Variants in LPIN2 observed in about 807,000 individuals in gnomAD.
LPIN2 encodes the protein lipin 2, also known as phosphatidate phosphatase LPIN2.
In LPIN2, 55 loss-of-function variants were observed where a neutral mutation model predicts 111.4. That is an observed-to-expected ratio of 0.49 (90% CI 0.40 to 0.62). The LOEUF is 0.62. LPIN2 is among the 20% of genes least tolerant of loss of function. The pLI, the probability that LPIN2 is intolerant of heterozygous loss-of-function variation, is 0.00. For missense variants in LPIN2, 992 were observed against 1,112.1 expected (o/e 0.89, Z 1.54); for synonymous variants, 425 against 414.0 (o/e 1.03, Z -0.32).
Position 2,971,611 on chromosome 18 carries a change from AAATG to A in LPIN2, c.-9-10766_-9-10763del, listed in dbSNP as rs902588461. 7.2e-4 allele frequency among the ~76,000 whole-genome samples: 109 copies of A among 152,312 alleles called. 1 individual carries two copies. Among genetic ancestry groups the A allele is most frequent in the African/African-American group, 2.3e-3 (96 of 41,564 alleles). ...TGGATCAATGAATGGACCAATGAATAAATGAATGAATGAATGCAAGACCTAGTGA... is the reference window on the plus strand; with the variant it reads ...TGGATCAATGAATGGACCAATGAATAAATGAATGAATGCAAGACCTAGTGA... On this transcript the variant is annotated intron_variant, in intron 1 of 19. Transcript: ENST00000677752.
intron 19 of LPIN2, 67 bp downstream of exon 19, chr18:2,920,711 G>C: frequency 8.5e-7 from 1 of 1,180,036 alleles, no homozygotes; most frequent in Non-Finnish European, 1.3e-6. Context: ...AAAAGGACAG[G>C]GTCTGTCTGT....
At chr18:2,928,113 G>A (rs536614505) in intron 11 of LPIN2, among the ~76,000 whole-genome samples, 1 of 152,122 alleles carries the variant, frequency 6.6e-6, no homozygotes, top group African/African-American at 2.4e-5. Flanking sequence ...CATGAGTTAA[G>A]AGGACCAACT....
At chr18:3,011,059 G>A (rs756044182) in intron 1 of LPIN2, among the ~76,000 whole-genome samples, 5 of 152,120 alleles carry the variant, frequency 3.3e-5, no homozygotes, top group Non-Finnish European at 5.9e-5. Context: ...AGCCGGCTAT[G>A]TGCTTGGAAC....
chr18:2,970,411 C>G (rs1452478585), intron 1 of LPIN2, among the ~76,000 whole-genome samples: 1 of 152,220 alleles, frequency 6.6e-6, no homozygotes, highest in Non-Finnish European at 1.5e-5. Flanking sequence ...CAAGGCCACC[C>G]AAGACTGGGA....
chr18:2,958,798 C>T (rs2077662920), intron 2 of LPIN2, among the ~76,000 whole-genome samples: 1 of 152,078 alleles, frequency 6.6e-6, no homozygotes, highest in African/African-American at 2.4e-5. Context: ...AGGCACACAG[C>T]AAGCAGGAAA....
chr18:2,924,320 A>C, intron 15 of LPIN2, 78 bp downstream of exon 15: 1 of 1,580,036 alleles, frequency 6.3e-7, no homozygotes, highest in Non-Finnish European at 8.7e-7. Context: ...CCAGGTGAGG[A>C]ACTCCCCACC....
intron 1 of LPIN2, among the ~76,000 whole-genome samples, chr18:2,995,659 T>C (rs956511134): frequency 9.8e-5 from 15 of 152,344 alleles, no homozygotes; most frequent in African/African-American, 3.6e-4. Flanking sequence ...AGAACTCTTA[T>C]ACTCCAAAAG....
At chr18:2,984,207 A>C (rs1238008469) in intron 1 of LPIN2, among the ~76,000 whole-genome samples, 1 of 152,182 alleles carries the variant, frequency 6.6e-6, no homozygotes, top group Non-Finnish European at 1.5e-5. Flanking sequence ...AATTTCACCA[A>C]AATTAGAAAT....
rs769975012 is a variant in LPIN2, at chr18:2,932,639, G to A, written c.1269-1196C>T. 4.6e-5 allele frequency among the ~76,000 whole-genome samples: 7 copies of A among 152,160 alleles called. No homozygotes were observed. In the South Asian group the frequency reaches 1.0e-3, roughly 23 times the overall value. Reference sequence around the variant, plus strand: ...CACCACACCTGTCTCCTCTTTCTCCGGGGCACACGGCGAGGCCCCCTTGCA... The same window carrying A: ...CACCACACCTGTCTCCTCTTTCTCCAGGGCACACGGCGAGGCCCCCTTGCA... On this transcript the variant is annotated intron_variant, in intron 8 of 19. Coordinates refer to ENST00000677752, the MANE Select transcript of LPIN2 (RefSeq NM_001375808.2).
intron 1 of LPIN2, among the ~76,000 whole-genome samples, chr18:2,989,967 A>G (rs996351825): frequency 1.3e-5 from 2 of 152,136 alleles, no homozygotes; most frequent in African/African-American, 4.8e-5. Flanking sequence ...TAGTACTGGC[A>G]TAAAACAGAC....
Position 2,925,212 on chromosome 18 carries a change from T to C in LPIN2, c.1938+12A>G. The C allele has an allele frequency of 2.5e-6, 4 of 1,614,150 alleles. No individual in the cohort carries two copies. Among genetic ancestry groups the C allele is most frequent in the South Asian group, 2.2e-5 (2 of 91,088 alleles). On this transcript the variant is annotated intron_variant, in intron 14 of 19. Coordinates refer to ENST00000677752, the MANE Select transcript of LPIN2 (RefSeq NM_001375808.2). This position sits in a 1 kb window ranked among gnomAD's most constrained non-coding sequence, Gnocchi z 4.1. ...AAGTCCTACTGGACAACACAGATCA[T>C]GCAAGACTCACGATCTGGTCTGAGG...
At chr18:3,002,801 A>G (rs2078453472) in intron 1 of LPIN2, among the ~76,000 whole-genome samples, 1 of 152,258 alleles carries the variant, frequency 6.6e-6, no homozygotes, top group Non-Finnish European at 1.5e-5. Flanking sequence ...ACAGTTCCTC[A>G]GACTTTCCCA....
At position 2,919,298 on chromosome 18, in the gene LPIN2, C is replaced by T. The variant is rs1438044484; in HGVS notation, c.*995G>A. The stretch of plus-strand genomic sequence containing the variant: ...GATTACAGGGTGTGATCCCAAAAGC[C>T]AAAGTCACACACTGCTGGCCAGTGC... On this transcript the variant is annotated 3_prime_UTR_variant, in exon 20 of 20. Coordinates refer to ENST00000677752, the MANE Select transcript of LPIN2 (RefSeq NM_001375808.2). The T allele has an allele frequency of 6.6e-6, 1 of 152,174 alleles. No individual in the cohort carries two copies. Among genetic ancestry groups the T allele is most frequent in the East Asian group, 1.9e-4 (1 of 5,182 alleles). The allele number at this position is 152,174 out of a possible 1,614,324, so 9.4% of individuals were successfully genotyped here. A position where few individuals can be genotyped will look rare whatever the true frequency, so the allele number is the denominator to read the frequency against.
chr18:2,935,599 C>T (rs970966398), intron 7 of LPIN2, among the ~76,000 whole-genome samples: 5 of 152,042 alleles, frequency 3.3e-5, no homozygotes, highest in South Asian at 2.1e-4. Context: ...GGGAAACAGG[C>T]CAGCTAAAAA....
At chr18:2,939,878 T>C (rs1417250763) in intron 5 of LPIN2, among the ~76,000 whole-genome samples, 1 of 152,114 alleles carries the variant, frequency 6.6e-6, no homozygotes, top group Non-Finnish European at 1.5e-5. Context: ...AAGAAATCAA[T>C]GAGAAAGAAG....
chr18:2,978,399 T>C (rs1038180563), intron 1 of LPIN2, among the ~76,000 whole-genome samples: 1 of 152,184 alleles, frequency 6.6e-6, no homozygotes, highest in African/African-American at 2.4e-5. Flanking sequence ...TATGACTCAC[T>C]GAAAAGGACT....
At chr18:2,957,938 A>C (rs1469120992) in intron 2 of LPIN2, among the ~76,000 whole-genome samples, 1 of 151,658 alleles carries the variant, frequency 6.6e-6, no homozygotes, top group Non-Finnish European at 1.5e-5. Flanking sequence ...ATTACCTGAG[A>C]TCAGGTAATC....
At position 3,005,775 on chromosome 18, in the gene LPIN2, C is replaced by T. The variant is rs80108619; in HGVS notation, c.-10+7312G>A. 3.4e-3 allele frequency among the ~76,000 whole-genome samples: 516 copies of T among 152,208 alleles called. 4 individuals are homozygous for T. The highest frequency in any genetic ancestry group is 0.012 in the African/African-American group (492 of 41,518). On this transcript the variant is annotated intron_variant, in intron 1 of 19. Coordinates refer to ENST00000677752, the MANE Select transcript of LPIN2 (RefSeq NM_001375808.2). ...GTGTGGTGGCCCAACTCAGCAATCCCAGCACTTTGGGAGGTAGAAACGGGA... is the reference window on the plus strand; with the variant it reads ...GTGTGGTGGCCCAACTCAGCAATCCTAGCACTTTGGGAGGTAGAAACGGGA...
At chr18:2,946,426 T>A in intron 4 of LPIN2, 1 of 1,451,344 alleles carries the variant, frequency 6.9e-7, no homozygotes, top group Non-Finnish European at 9.7e-7. Flanking sequence ...ACCAACCCTT[T>A]AATGCATCGT....
Sources: gnomAD v4.1 joint callset for allele counts (sites outside exome capture counted in the v4.1 genomes callset) on GRCh38, gnomAD v4.1.1 for gene constraint, Gnocchi (gnomAD v3.1) non-coding constraint, MANE v1.5 for transcripts, NCBI Gene and HGNC (gene_info 2026-07-23, HGNC 2026-07-21) for gene names.